The following CSMD1 variants were observed in gnomAD, a reference collection of about 807,000 sequenced individuals.
The protein encoded by CSMD1 is CUB and sushi domain-containing protein 1.
A neutral mutation model predicts 417.5 loss-of-function variants in CSMD1; 213 were observed. That is an observed-to-expected ratio of 0.51 (90% CI 0.46 to 0.57). CSMD1 has a LOEUF of 0.57. Among genes scored for constraint, CSMD1 ranks in the 20% least tolerant of loss-of-function variants. The pLI, the probability that CSMD1 is intolerant of heterozygous loss-of-function variation, is 0.00. For missense variants in CSMD1, 6,923 were observed against 4,529.7 expected (o/e 1.53, Z -15.17); for synonymous variants, 2,862 against 1,736.8 (o/e 1.65, Z -16.11).
intron 2 of CSMD1, among the ~76,000 whole-genome samples, chr8:4,491,798 G>A (rs1801717713): frequency 6.6e-6 from 1 of 152,124 alleles, no homozygotes; most frequent in Non-Finnish European, 1.5e-5. Context: ...GAGTCACGTT[G>A]GCAGACAAGT....
chr8:3,984,743 ATATATATATTTG>A (rs1814186250), intron 5 of CSMD1, among the ~76,000 whole-genome samples: 3 of 86,350 alleles, frequency 3.5e-5, no homozygotes, highest in African/African-American at 9.6e-5. Flanking sequence ...ATATATATAT[ATATATATATTTG>A]TATGTATTTG....
At chr8:3,632,233 G>A (rs1796817960) in intron 7 of CSMD1, among the ~76,000 whole-genome samples, 1 of 152,188 alleles carries the variant, frequency 6.6e-6, no homozygotes, top group Non-Finnish European at 1.5e-5. Context: ...ATCATTTCTA[G>A]GGCTGGGCTT....
intron 3 of CSMD1, among the ~76,000 whole-genome samples, chr8:4,180,134 T>C (rs1205910057): frequency 1.3e-5 from 2 of 152,090 alleles, no homozygotes; most frequent in African/African-American, 4.8e-5. Context: ...ACACATATGT[T>C]TACTGCGGCA....
chr8:4,335,685 T>C (rs555932121), intron 3 of CSMD1, among the ~76,000 whole-genome samples: 15 of 152,198 alleles, frequency 9.9e-5, no homozygotes, highest in African/African-American at 1.7e-4. Flanking sequence ...TTGTGCAAAA[T>C]TGTTACAGAA....
chr8:4,082,224 A>T (rs1800176135), intron 3 of CSMD1, among the ~76,000 whole-genome samples: 2 of 152,280 alleles, frequency 1.3e-5, no homozygotes, highest in South Asian at 4.1e-4. Flanking sequence ...ATGACCACAC[A>T]GGTAAAATGG....
intron 7 of CSMD1, among the ~76,000 whole-genome samples, chr8:3,660,125 A>G (rs1223198683): frequency 3.3e-4 from 50 of 152,194 alleles, no homozygotes; most frequent in Admixed American, 3.3e-3. Context: ...ATAGTTTGCA[A>G]AATACTTTCA....
chr8:3,832,323 C>G (rs1423513351), intron 5 of CSMD1, among the ~76,000 whole-genome samples: 2 of 152,132 alleles, frequency 1.3e-5, no homozygotes, highest in African/African-American at 4.8e-5. Context: ...AATGATGTTC[C>G]TTGTTCAAAA....
At chr8:3,060,096 G>A (rs1812491923) in intron 49 of CSMD1, among the ~76,000 whole-genome samples, 1 of 151,774 alleles carries the variant, frequency 6.6e-6, no homozygotes, top group Admixed American at 6.6e-5. Flanking sequence ...TATTCAAATT[G>A]TGAGATTACA....
intron 3 of CSMD1, among the ~76,000 whole-genome samples, chr8:4,177,398 A>G (rs946221678): frequency 2.6e-5 from 4 of 152,076 alleles, no homozygotes; most frequent in African/African-American, 7.2e-5. Flanking sequence ...CAAAGACACA[A>G]CATACCAGAA....
intron 3 of CSMD1, among the ~76,000 whole-genome samples, chr8:4,072,321 T>A (rs1799601587): frequency 6.6e-6 from 1 of 152,234 alleles, no homozygotes; most frequent in Admixed American, 6.5e-5. Context: ...TCAAAATGTA[T>A]TTACTTCTAC....
At chr8:3,541,169 T>TA (rs1798421532) in intron 10 of CSMD1, among the ~76,000 whole-genome samples, 1 of 152,128 alleles carries the variant, frequency 6.6e-6, no homozygotes, top group Non-Finnish European at 1.5e-5. Context: ...GAAAATGTGG[T>TA]AGATATACAC....
chr8:3,571,704 C>A (rs1799949659), intron 10 of CSMD1, among the ~76,000 whole-genome samples: 1 of 152,056 alleles, frequency 6.6e-6, no homozygotes, highest in East Asian at 1.9e-4. Context: ...GCTTGAGGGT[C>A]TTGTGTTCCT....
At chr8:4,802,762 T>C (rs1292469682) in intron 1 of CSMD1, among the ~76,000 whole-genome samples, 1 of 152,242 alleles carries the variant, frequency 6.6e-6, no homozygotes, top group East Asian at 1.9e-4. Flanking sequence ...TTTATTGTTA[T>C]ACTCATTCTC....
chr8:3,147,492 C>T (rs1459577565), intron 40 of CSMD1, among the ~76,000 whole-genome samples: 1 of 152,192 alleles, frequency 6.6e-6, no homozygotes, highest in Admixed American at 6.5e-5. Context: ...GGAGCTGCTT[C>T]GGGAAGATGC....
chr8:4,966,699 C>T (rs555495875), intron 1 of CSMD1, among the ~76,000 whole-genome samples: 8 of 152,108 alleles, frequency 5.3e-5, no homozygotes, highest in African/African-American at 1.2e-4. Context: ...AATTATCCTT[C>T]TAATAATTTT....
rs1191431643 is a variant in CSMD1 at position 4,434,537 on chromosome 8, G to A, written c.303-14472C>T. Among the ~76,000 whole-genome samples, 10 of 152,284 alleles carry A rather than the reference G, an allele frequency of 6.6e-5. No homozygotes were observed. The East Asian group carries it at 1.9e-3, about 29-fold the overall frequency. On this transcript the variant is annotated intron_variant, in intron 2 of 69. Coordinates refer to ENST00000635120, the MANE Select transcript of CSMD1 (RefSeq NM_033225.6). ...AAATTGTCTGATGAAGCACTTAAGAGCAGCCCAACATTGACTAAAACACAA... is the reference window on the plus strand; with the variant it reads ...AAATTGTCTGATGAAGCACTTAAGAACAGCCCAACATTGACTAAAACACAA...
At chr8:4,056,927 G>C (rs991775711) in intron 3 of CSMD1, among the ~76,000 whole-genome samples, 6 of 152,096 alleles carry the variant, frequency 3.9e-5, no homozygotes, top group Non-Finnish European at 7.4e-5. Context: ...TCTTAATCCA[G>C]TTTATCACTG....
chr8:3,981,037 T>A (rs1813821811), intron 5 of CSMD1, among the ~76,000 whole-genome samples: 1 of 152,176 alleles, frequency 6.6e-6, no homozygotes, highest in Non-Finnish European at 1.5e-5. Flanking sequence ...GTAGTAACCA[T>A]GAATTTTCCC....
At chr8:3,629,391 G>C (rs924509530) in intron 7 of CSMD1, among the ~76,000 whole-genome samples, 2 of 152,230 alleles carry the variant, frequency 1.3e-5, no homozygotes, top group South Asian at 2.1e-4. Context: ...GTTACATATA[G>C]TTATTGTTGG....
Sources: gnomAD v4.1 joint callset for allele counts (sites outside exome capture counted in the v4.1 genomes callset) on GRCh38, gnomAD v4.1.1 for gene constraint, MANE v1.5 for transcripts, NCBI Gene and HGNC (gene_info 2026-07-23, HGNC 2026-07-21) for gene names.